MYPN: variants seen among roughly 807,000 people sequenced by gnomAD.
The protein encoded by MYPN is myopalladin.
A neutral mutation model predicts 129.4 loss-of-function variants in MYPN; 63 were observed. The observed-to-expected ratio is 0.49, with a 90% CI of 0.40 to 0.60. The LOEUF (loss-of-function observed/expected upper bound fraction) is 0.60, where lower values mean the gene tolerates loss of function less well. Ranked by LOEUF, MYPN falls within the 20% of genes least tolerant of loss-of-function variation. The probability of loss-of-function intolerance (pLI) is 0.00; values close to 1 mark genes in which losing one functional copy is unlikely to be tolerated. For synonymous variants in MYPN, 629 were observed against 600.9 expected, an observed-to-expected ratio of 1.05 and a Z score of -0.68; for missense variants, 1,596 against 1,635.4, an observed-to-expected ratio of 0.98 and a Z score of 0.42.
intron 1 of MYPN, among the ~76,000 whole-genome samples, chr10:68,089,340 G>A (rs543753687): frequency 6.6e-6 from 1 of 151,270 alleles, no homozygotes; most frequent in Non-Finnish European, 1.5e-5. Flanking sequence ...CCTGTTTTTT[G>A]TTTATTTGTT....
upstream of MYPN, chr10:68,109,186 T>G (rs1412535236): frequency 1.7e-5 from 3 of 172,872 alleles, no homozygotes; most frequent in Admixed American, 1.1e-4. Flanking sequence ...AATTTCCTAT[T>G]GATTAAAATT....
At chr10:68,133,784 G>A (rs1250307419) in intron 2 of MYPN, among the ~76,000 whole-genome samples, 2 of 151,172 alleles carry the variant, frequency 1.3e-5, no homozygotes, top group Non-Finnish European at 1.5e-5. Context: ...CAATTTACAC[G>A]GAAGCCAGAG....
chr10:68,195,610 T>C, intron 15 of MYPN, 78 bp downstream of exon 15: 1 of 1,170,170 alleles, frequency 8.5e-7, no homozygotes, highest in Non-Finnish European at 1.3e-6. Context: ...AAGTACTGGA[T>C]CCACAAATTC....
In MYPN at chr10:68,210,956, C is replaced by G. The variant is rs1008247423; in HGVS notation, c.*501C>G. 1.1e-5 allele frequency: 5 copies of G among 454,288 alleles called. No individual in the cohort carries two copies. The highest frequency in any genetic ancestry group is 8.0e-5 in the African/African-American group (4 of 50,014). The allele number at this position is 454,288 out of a possible 1,614,324, so 28.1% of individuals were successfully genotyped here. A position where few individuals can be genotyped will look rare whatever the true frequency, so the allele number is the denominator to read the frequency against. Reference sequence around the variant, plus strand: ...GGTGAATTCACCAAATCAGCTTCCACTTAGCATTAGGAGGTCATGCCATAC... The same window carrying G: ...GGTGAATTCACCAAATCAGCTTCCAGTTAGCATTAGGAGGTCATGCCATAC... On this transcript the variant is annotated 3_prime_UTR_variant, in exon 20 of 20. Transcript: ENST00000358913.
chr10:68,118,428 A>G (rs1160084858), intron 1 of MYPN, among the ~76,000 whole-genome samples: 1 of 152,206 alleles, frequency 6.6e-6, no homozygotes, highest in Non-Finnish European at 1.5e-5. Context: ...TACGAGATGA[A>G]GCAGAATTTG....
intron 2 of MYPN, among the ~76,000 whole-genome samples, chr10:68,140,687 G>A (rs1041107883): frequency 6.6e-6 from 1 of 152,156 alleles, no homozygotes; most frequent in Non-Finnish European, 1.5e-5. Flanking sequence ...ACTTGAATGT[G>A]TGGAGGTGAC....
At chr10:68,167,420 A>G (rs969767115) in intron 10 of MYPN, among the ~76,000 whole-genome samples, 1 of 152,212 alleles carries the variant, frequency 6.6e-6, no homozygotes, top group Non-Finnish European at 1.5e-5. Flanking sequence ...AATAGGATGA[A>G]TAAGTGGTCA....
intron 2 of MYPN, among the ~76,000 whole-genome samples, chr10:68,142,028 C>T (rs1487390654): frequency 1.3e-5 from 2 of 152,162 alleles, no homozygotes; most frequent in Admixed American, 1.3e-4. Context: ...GTAGCCTATA[C>T]ATTTGTCATT....
In MYPN at chr10:68,201,960, A is replaced by G; in HGVS notation, c.3625A>G (p.Asn1209Asp). The G allele has an allele frequency of 1.2e-6, 2 of 1,614,050 alleles. No homozygotes were observed. Among genetic ancestry groups the G allele is most frequent in the Non-Finnish European group, 1.7e-6 (2 of 1,179,986 alleles). ...PPPVFYWKKDNETIPCTRERI... is the reference protein window; with the variant it reads ...PPPVFYWKKDDETIPCTRERI... ...ACCTGTGTTCTACTGGAAGAAAGAC[A>G]ATGAGACCATCCCTTGCACCAGAGA... The change falls in exon 18 of 20, where the codon AAT becomes GAT. Residue 1209 changes from asparagine to aspartate, a missense_variant. Coordinates refer to ENST00000358913, the MANE Select transcript of MYPN (RefSeq NM_032578.4).
intron 19 of MYPN, among the ~76,000 whole-genome samples, chr10:68,209,906 T>G (rs2043880350): frequency 6.6e-6 from 1 of 152,126 alleles, no homozygotes; most frequent in Admixed American, 6.5e-5. Flanking sequence ...TTGGCCAGCC[T>G]GGTCTTGAAC....
chr10:68,187,255 C>A (rs2043436770), intron 12 of MYPN, among the ~76,000 whole-genome samples: 1 of 151,072 alleles, frequency 6.6e-6, no homozygotes, highest in Non-Finnish European at 1.5e-5. Flanking sequence ...GCCTGTAATC[C>A]CAGCCACTGC....
chr10:68,189,480 T>A (rs1156258853), intron 13 of MYPN, among the ~76,000 whole-genome samples: 1 of 152,192 alleles, frequency 6.6e-6, no homozygotes, highest in Non-Finnish European at 1.5e-5. Flanking sequence ...TAACTGTGTG[T>A]TTTTACCCAT....
chr10:68,115,257 T>TG (rs2042140070), intron 1 of MYPN, among the ~76,000 whole-genome samples: 1 of 72,618 alleles, frequency 1.4e-5, no homozygotes, highest in Non-Finnish European at 2.6e-5. Context: ...AAACTCCATC[T>TG]CAAAAAAAAA....
chr10:68,206,618 C>A, intron 18 of MYPN, 152 bp from the exon 19 acceptor site: 1 of 1,034,066 alleles, frequency 9.7e-7, no homozygotes, highest in Non-Finnish European at 1.5e-6. Context: ...CATGATTAAG[C>A]TCACTGCTGC....
intron 2 of MYPN, among the ~76,000 whole-genome samples, 160 bp downstream of exon 2, chr10:68,122,500 T>C (rs1057226747): frequency 3.3e-5 from 5 of 152,218 alleles, no homozygotes; most frequent in African/African-American, 1.2e-4. Flanking sequence ...AATGTAAACC[T>C]AGTCACGTAT....
At chr10:68,128,794 G>T (rs1018374811) in intron 2 of MYPN, among the ~76,000 whole-genome samples, 9 of 152,140 alleles carry the variant, frequency 5.9e-5, no homozygotes, top group African/African-American at 1.9e-4. Context: ...TAAGAGTTAG[G>T]CTGGCAAAGT....
chr10:68,159,548 T>G (rs1210231217), intron 7 of MYPN, among the ~76,000 whole-genome samples: 2 of 152,222 alleles, frequency 1.3e-5, no homozygotes, highest in African/African-American at 4.8e-5. Flanking sequence ...ATTTAGAAAT[T>G]TACATGGTTA....
Position 68,211,679 on chromosome 10 carries a change from A to G in MYPN, c.*1224A>G, listed in dbSNP as rs41278502. ...AGTACCTAGCACAAAGTAGACATTC[A>G]ATAAATATTTGCTGGTTGAATGAAT... On this transcript the variant is annotated 3_prime_UTR_variant, in exon 20 of 20. Transcript: ENST00000358913. 1.6e-4 allele frequency: 72 copies of G among 454,130 alleles called. No individual in the cohort carries two copies. Among genetic ancestry groups the G allele is most frequent in the Non-Finnish European group, 2.9e-4 (66 of 226,794 alleles). 28.1% of individuals were successfully genotyped at this position (454,130 alleles called of 1,614,324 possible). A position where few individuals can be genotyped will look rare whatever the true frequency, so the allele number is the denominator to read the frequency against.
intron 2 of MYPN, among the ~76,000 whole-genome samples, chr10:68,125,002 A>G (rs1466978910): frequency 6.6e-6 from 1 of 152,194 alleles, no homozygotes; most frequent in African/African-American, 2.4e-5. Context: ...AACTTAGGTT[A>G]GTCCTGTCCA....
Sources: gnomAD v4.1 joint callset for allele counts (sites outside exome capture counted in the v4.1 genomes callset) on GRCh38, gnomAD v4.1.1 for gene constraint, MANE v1.5 for transcripts, NCBI Gene and HGNC (gene_info 2026-07-23, HGNC 2026-07-21) for gene names.